SDHA: variants seen among roughly 807,000 people sequenced by gnomAD.
SDHA encodes the protein succinate dehydrogenase complex flavoprotein subunit A.
Under a neutral mutation model 78.4 loss-of-function variants are expected in SDHA, and 48 were observed. That is an observed-to-expected ratio of 0.61 (90% CI 0.49 to 0.78). The LOEUF (loss-of-function observed/expected upper bound fraction) is 0.78. Ranked by LOEUF, SDHA falls within the 30% of genes least tolerant of loss-of-function variation. The probability of loss-of-function intolerance (pLI) is 0.00; values close to 1 mark genes in which losing one functional copy is unlikely to be tolerated. For synonymous variants in SDHA, 326 were observed against 353.9 expected (o/e 0.92, Z 0.88); for missense variants, 680 against 892.7 (o/e 0.76, Z 3.04).
chr5:235,095 C>G (rs768134328), intron 8 of SDHA, 49 bp from the exon 9 acceptor site: 2 of 1,569,160 alleles, frequency 1.3e-6, no homozygotes, highest in African/African-American at 1.4e-5. Context: ...TCTCAGGTCT[C>G]CTGCCGTTGC....
chr5:220,926 C>T (rs563332325), intron 1 of SDHA, among the ~76,000 whole-genome samples: 122 of 151,556 alleles, frequency 8.0e-4, no homozygotes, highest in Middle Eastern at 6.8e-3. Flanking sequence ...CATTCTCCTG[C>T]CTCAGCCTCC....
At chr5:249,148 G>T (rs2126627467) in intron 11 of SDHA, 1 of 397,662 alleles carries the variant, frequency 2.5e-6, no homozygotes. Context: ...TTAGCAGCTG[G>T]TAATCCATTA....
chr5:218,477 G>C lies in SDHA; in HGVS notation c.63+59G>C, dbSNP rs550029410. The C allele has an allele frequency of 4.1e-5, 53 of 1,279,354 alleles. No homozygotes were observed. In the South Asian group the frequency reaches 8.7e-4, roughly 21 times the overall value. 79.3% of individuals were successfully genotyped at this position (1,279,354 alleles called of 1,614,324 possible). On this transcript the variant is annotated intron_variant, in intron 1 of 14. Transcript: ENST00000264932. The stretch of plus-strand genomic sequence containing the variant: ...CGGGGGCCGAGGCGGCGGTAGGAGC[G>C]GGACGGTCCCCAGCGGGTCCGAGCG...
chr5:249,002 T>C, intron 11 of SDHA: 1 of 391,092 alleles, frequency 2.6e-6, no homozygotes, highest in Admixed American at 3.7e-5. Context: ...TGGGAAAGAA[T>C]AAAAAAGCAT....
intron 7 of SDHA, among the ~76,000 whole-genome samples, chr5:232,540 G>A (rs1033942312): frequency 6.6e-6 from 1 of 152,040 alleles, no homozygotes; most frequent in African/African-American, 2.4e-5. Context: ...TTTTATTACT[G>A]TTTTTAATGA....
intron 10 of SDHA, among the ~76,000 whole-genome samples, chr5:238,648 T>A (rs1305660058): frequency 6.6e-6 from 1 of 152,162 alleles, no homozygotes; most frequent in African/African-American, 2.4e-5. Context: ...TACATGCGCC[T>A]ATACATGTGT....
downstream of SDHA, among the ~76,000 whole-genome samples, chr5:257,390 GCC>G (rs1737268172): frequency 6.9e-6 from 1 of 144,034 alleles, no homozygotes; most frequent in Non-Finnish European, 1.5e-5. Context: ...TGTGAGCTCC[GCC>G]CCCTGCCAGA....
chr5:219,486 C>T (rs957945724), intron 1 of SDHA, among the ~76,000 whole-genome samples: 2 of 152,154 alleles, frequency 1.3e-5, no homozygotes, highest in Admixed American at 6.5e-5. Flanking sequence ...TTGAATTATG[C>T]CTGTAATTGT....
At chr5:239,248 CA>C (rs1353948057) in intron 10 of SDHA, among the ~76,000 whole-genome samples, 1 of 151,682 alleles carries the variant, frequency 6.6e-6, no homozygotes, top group Non-Finnish European at 1.5e-5. Context: ...AAACTTTTTT[CA>C]AGACATCGTA....
chr5:263,402 C>T, the SDHA span, among the ~76,000 whole-genome samples: 23 of 152,054 alleles, frequency 1.5e-4, 1 homozygote, highest in Non-Finnish European at 2.1e-4. Flanking sequence ...TATTGGTGCA[C>T]GCAGCAGCTT....
intron 1 of SDHA, among the ~76,000 whole-genome samples, chr5:219,781 C>T (rs1275572344): frequency 2.6e-5 from 4 of 152,194 alleles, no homozygotes; most frequent in African/African-American, 9.6e-5. Flanking sequence ...TGTCCTCAAC[C>T]CAGATGGTGC....
At chr5:245,228 T>C (rs535574615) in intron 11 of SDHA, among the ~76,000 whole-genome samples, 1 of 152,300 alleles carries the variant, frequency 6.6e-6, no homozygotes, top group South Asian at 2.1e-4. Context: ...TTAACTGACT[T>C]AAGAGCCATT....
intron 9 of SDHA, chr5:236,024 C>T (rs1735752985): frequency 6.7e-6 from 2 of 299,314 alleles, no homozygotes; most frequent in Admixed American, 4.3e-5. Context: ...TCTTTACTTC[C>T]CTCTCTTTTT....
chr5:251,039 A>G lies in SDHA; in HGVS notation c.1599A>G (p.Gln533=), dbSNP rs1407806818. The change falls in exon 12 of 15, where the codon CAA becomes CAG. Residue 533 remains glutamine (Q), a synonymous_variant. Transcript: ENST00000264932. ...AAVFRVGSVL[Q]EGCGKISKLY... is the part of the protein sequence containing the mutation. ...TGTTCCGTGTGGGAAGCGTGTTGCA[A>G]GAAGGTTGTGGGAAAATCAGCAAGC... The G allele has an allele frequency of 3.7e-6, 6 of 1,612,030 alleles. No individual in the cohort carries two copies. The East Asian group carries it at 8.9e-5, about 24-fold the overall frequency.
At chr5:262,870 T>C in the SDHA span, among the ~76,000 whole-genome samples, 1 of 152,236 alleles carries the variant, frequency 6.6e-6, no homozygotes, top group Non-Finnish European at 1.5e-5. Context: ...ACCAACTTAA[T>C]ATGATAAATT....
In SDHA at chr5:235,333, G is replaced by A; in HGVS notation, c.1254G>A (p.Lys418=). 2 of 1,614,214 alleles carry A rather than the reference G, an allele frequency of 1.2e-6. No homozygotes were observed. Among genetic ancestry groups the A allele is most frequent in the Non-Finnish European group, 1.7e-6 (2 of 1,180,042 alleles). The change falls in exon 9 of 15, where the codon AAG becomes AAA. Residue 418 remains lysine (K), a synonymous_variant. Transcript: ENST00000264932. ...YNMGGIPTNY[K]GQVLRHVNGQ... ...TGGGCGGCATTCCCACCAACTACAAGGGGCAGGTGATGGTGCTGGCTCCTC... is the reference window on the plus strand; with the variant it reads ...TGGGCGGCATTCCCACCAACTACAAAGGGCAGGTGATGGTGCTGGCTCCTC...
At chr5:264,812 TTCAA>T in the SDHA span, among the ~76,000 whole-genome samples, 1 of 152,222 alleles carries the variant, frequency 6.6e-6, no homozygotes, top group African/African-American at 2.4e-5. Context: ...AATCCTAAAT[TTCAA>T]TCAATCATCT....
At chr5:245,560 C>A (rs962884148) in intron 11 of SDHA, among the ~76,000 whole-genome samples, 2 of 152,200 alleles carry the variant, frequency 1.3e-5, no homozygotes, top group Admixed American at 6.5e-5. Context: ...GGATGATATA[C>A]TTTGTGCTGC....
chr5:239,909 A>G (rs1045502613), intron 10 of SDHA, among the ~76,000 whole-genome samples: 35 of 151,934 alleles, frequency 2.3e-4, no homozygotes, highest in African/African-American at 8.2e-4. Flanking sequence ...AGCTGGGATT[A>G]TAGACGCGTG....
Sources: allele counts gnomAD v4.1 joint callset (sites outside exome capture counted in the v4.1 genomes callset), GRCh38; gene constraint gnomAD v4.1.1; transcripts MANE v1.5; gene names NCBI Gene and HGNC (gene_info 2026-07-23, HGNC 2026-07-21).